The following SH3GL2 variants were observed in gnomAD, a reference collection of about 807,000 sequenced individuals.
SH3GL2 encodes SH3 domain containing GRB2 like 2, endophilin A1, also known as endophilin-A1.
A neutral mutation model predicts 46.0 loss-of-function variants in SH3GL2; 24 were observed. The observed-to-expected ratio is 0.52, with a 90% CI of 0.38 to 0.73. SH3GL2 has a LOEUF of 0.73. SH3GL2 is among the 30% of genes least tolerant of loss of function. SH3GL2 has a pLI of 0.00. For synonymous variants in SH3GL2, 196 were observed against 147.1 expected, an observed-to-expected ratio of 1.33 and a Z score of -2.40; for missense variants, 413 against 424.2, an observed-to-expected ratio of 0.97 and a Z score of 0.23.
chr9:17,659,393 A>G lies in SH3GL2; in HGVS notation c.45+80106A>G, dbSNP rs372780241. Among the ~76,000 whole-genome samples the G allele has an allele frequency of 5.3e-5, 8 of 152,216 alleles. No homozygotes were observed. The South Asian group carries it at 1.5e-3, about 28-fold the overall frequency. On this transcript the variant is annotated intron_variant, in intron 1 of 8. Coordinates refer to ENST00000380607, the MANE Select transcript of SH3GL2 (RefSeq NM_003026.5). ...GCCATTCCTGAGAATGGCTCATTCT[A>G]TGAGCCAGTGTCATAGAATTGTCCT...
chr9:17,585,247 G>A (rs567175922), intron 1 of SH3GL2, among the ~76,000 whole-genome samples: 3 of 152,294 alleles, frequency 2.0e-5, no homozygotes, highest in East Asian at 3.9e-4. Flanking sequence ...TGAGAATTAG[G>A]TGAGGAGATG....
chr9:17,699,007 T>C (rs1274756350), intron 1 of SH3GL2, among the ~76,000 whole-genome samples: 1 of 151,692 alleles, frequency 6.6e-6, no homozygotes, highest in Non-Finnish European at 1.5e-5. Flanking sequence ...TACAAAAAAC[T>C]AGCCAGGCAT....
intron 3 of SH3GL2, among the ~76,000 whole-genome samples, chr9:17,767,385 G>A (rs1002670852): frequency 3.3e-5 from 5 of 152,164 alleles, no homozygotes; most frequent in African/African-American, 1.2e-4. Context: ...TAAAATTAGT[G>A]TACTTCTTTT....
intron 1 of SH3GL2, among the ~76,000 whole-genome samples, chr9:17,625,396 C>T (rs1248687085): frequency 6.6e-6 from 1 of 152,194 alleles, no homozygotes; most frequent in African/African-American, 2.4e-5. Flanking sequence ...AGTCCACCTC[C>T]TTTCATTGCC....
In SH3GL2 at chr9:17,592,105, A is replaced by G. The variant is rs954807706; in HGVS notation, c.45+12818A>G. 1.2e-4 allele frequency among the ~76,000 whole-genome samples: 18 copies of G among 152,288 alleles called. 1 individual carries two copies. The highest frequency in any genetic ancestry group is 1.5e-4 in the Non-Finnish European group (10 of 68,026). Reference sequence around the variant, plus strand: ...GAAACCCGGTGGTGTAATACAGTCCAAGTCCAAAGGCCTGAGGCCCCGGGG... The same window carrying G: ...GAAACCCGGTGGTGTAATACAGTCCGAGTCCAAAGGCCTGAGGCCCCGGGG... On this transcript the variant is annotated intron_variant, in intron 1 of 8. Transcript: ENST00000380607.
chr9:17,793,528 T>C, intron 8 of SH3GL2, 31 bp downstream of exon 8: 1 of 1,609,236 alleles, frequency 6.2e-7, no homozygotes, highest in Non-Finnish European at 8.5e-7. Context: ...TCCTATTGCA[T>C]AGCCCTTGGC....
intron 3 of SH3GL2, among the ~76,000 whole-genome samples, chr9:17,777,191 C>G (rs1028873500): frequency 2.0e-5 from 3 of 152,100 alleles, no homozygotes; most frequent in Non-Finnish European, 4.4e-5. Context: ...GACTCAATAA[C>G]CATGCAGTCA....
intron 1 of SH3GL2, chr9:17,591,050 G>GC (rs1298865608): frequency 6.6e-6 from 1 of 152,144 alleles, no homozygotes; most frequent in African/African-American, 2.4e-5. Flanking sequence ...GAGCCGCCGC[G>GC]CCTGGCTAAC....
chr9:17,656,782 A>C (rs530837099), intron 1 of SH3GL2, among the ~76,000 whole-genome samples: 4 of 151,240 alleles, frequency 2.6e-5, no homozygotes, highest in South Asian at 2.1e-4. Context: ...AAAAAAAAAA[A>C]AAAAACAAAA....
At chr9:17,605,153 A>C (rs899410974) in intron 1 of SH3GL2, among the ~76,000 whole-genome samples, 1 of 151,744 alleles carries the variant, frequency 6.6e-6, no homozygotes, top group South Asian at 2.1e-4. Context: ...TTTTAGAAAA[A>C]TTTTTTGTAG....
chr9:17,742,465 C>CT (rs1332191638), intron 1 of SH3GL2, among the ~76,000 whole-genome samples: 4 of 152,102 alleles, frequency 2.6e-5, no homozygotes, highest in Admixed American at 2.0e-4. Context: ...AAAATTAAGA[C>CT]TTTTAATTTA....
At chr9:17,633,532 A>G (rs1819479460) in intron 1 of SH3GL2, among the ~76,000 whole-genome samples, 2 of 152,234 alleles carry the variant, frequency 1.3e-5, no homozygotes, top group Admixed American at 1.3e-4. Flanking sequence ...AGCTGTAATA[A>G]GTTATGGTGA....
intron 1 of SH3GL2, among the ~76,000 whole-genome samples, chr9:17,730,822 C>A (rs1289826893): frequency 3.3e-5 from 5 of 152,040 alleles, no homozygotes; most frequent in Non-Finnish European, 7.4e-5. Context: ...AACTATAGTT[C>A]TTTGGGAAAT....
intron 1 of SH3GL2, among the ~76,000 whole-genome samples, chr9:17,690,524 C>T (rs566176628): frequency 5.9e-5 from 9 of 152,140 alleles, no homozygotes; most frequent in Non-Finnish European, 1.2e-4. Context: ...CATAGGATCT[C>T]GCCTCATTCT....
At chr9:17,789,913 A>G (rs1314174305) in intron 6 of SH3GL2, 7 of 296,668 alleles carry the variant, frequency 2.4e-5, no homozygotes, top group Middle Eastern at 1.6e-3. Context: ...TACTGAGCAC[A>G]TATCAATTTT....
At chr9:17,789,796 C>T (rs1420735742) in intron 6 of SH3GL2, 6 of 979,546 alleles carry the variant, frequency 6.1e-6, no homozygotes, top group Non-Finnish European at 7.3e-6. Context: ...ACAGATGCTC[C>T]TTAACTTATG....
chr9:17,584,621 C>T (rs1464411185), intron 1 of SH3GL2, among the ~76,000 whole-genome samples: 1 of 152,214 alleles, frequency 6.6e-6, no homozygotes, highest in Non-Finnish European at 1.5e-5. Context: ...GCAGCCTTCT[C>T]TGCATTAATT....
chr9:17,727,537 C>T (rs973256063), intron 1 of SH3GL2, among the ~76,000 whole-genome samples: 1 of 152,166 alleles, frequency 6.6e-6, no homozygotes, highest in African/African-American at 2.4e-5. Context: ...TAGACAGCTC[C>T]CTGAAGGCCA....
intron 1 of SH3GL2, among the ~76,000 whole-genome samples, chr9:17,652,610 A>T (rs967312987): frequency 6.6e-6 from 1 of 152,182 alleles, no homozygotes; most frequent in South Asian, 2.1e-4. Flanking sequence ...TATATTATAT[A>T]GAGTGAGTAT....
Sources: allele counts gnomAD v4.1 joint callset (sites outside exome capture counted in the v4.1 genomes callset), GRCh38; gene constraint gnomAD v4.1.1; transcripts MANE v1.5; gene names NCBI Gene and HGNC (gene_info 2026-07-23, HGNC 2026-07-21).